Variants in CXCL13 observed in about 807,000 individuals in gnomAD.
CXCL13 encodes the protein C-X-C motif chemokine 13.
In CXCL13, 7 loss-of-function variants were observed where a neutral mutation model predicts 12.2. The ratio of observed to expected loss-of-function variants is 0.57; its 90% CI spans 0.33 to 1.07. CXCL13 has a LOEUF of 1.07. Ranked by LOEUF, CXCL13 falls within the 50% of genes least tolerant of loss-of-function variation. The pLI is 0.04. For synonymous variants in CXCL13, 47 were observed against 42.4 expected, an observed-to-expected ratio of 1.11 and a Z score of -0.42; for missense variants, 113 against 127.4, an observed-to-expected ratio of 0.89 and a Z score of 0.55.
At chr4:77,533,224 C>G (rs1374240201) in intron 1 of CXCL13, among the ~76,000 whole-genome samples, 1 of 152,052 alleles carries the variant, frequency 6.6e-6, no homozygotes, top group African/African-American at 2.4e-5. Context: ...TGTGGATGTC[C>G]TTTGTGTTTG....
chr4:77,604,015 A>G (rs962474041), upstream of CXCL13, among the ~76,000 whole-genome samples: 2 of 152,234 alleles, frequency 1.3e-5, no homozygotes, highest in African/African-American at 2.4e-5. Context: ...CCTCTAGTTT[A>G]TAACCCTGAG....
intron 1 of CXCL13, among the ~76,000 whole-genome samples, chr4:77,518,689 C>G (rs1053073010): frequency 6.6e-6 from 1 of 152,292 alleles, no homozygotes; most frequent in Non-Finnish European, 1.5e-5. Context: ...TCTAGTTATA[C>G]ATTCGTCTAA....
intron 1 of CXCL13, among the ~76,000 whole-genome samples, chr4:77,552,817 T>TG (rs1725566497): frequency 1.3e-5 from 2 of 152,198 alleles, no homozygotes. Context: ...GAGATCTGCC[T>TG]GGGGGTAAAA....
chr4:77,596,289 T>C (rs951057261), intron 1 of CXCL13, among the ~76,000 whole-genome samples: 3 of 152,166 alleles, frequency 2.0e-5, no homozygotes, highest in South Asian at 2.1e-4. Flanking sequence ...CACCTCCCAC[T>C]TGTTTGTATG....
chr4:77,551,224 T>C (rs1398467511), intron 1 of CXCL13, among the ~76,000 whole-genome samples: 3 of 152,244 alleles, frequency 2.0e-5, no homozygotes, highest in African/African-American at 7.2e-5. Context: ...TTCTGTGGGC[T>C]ATGTACTTTA....
intron 1 of CXCL13, among the ~76,000 whole-genome samples, chr4:77,549,955 T>C (rs1314318490): frequency 6.6e-6 from 1 of 152,234 alleles, no homozygotes; most frequent in African/African-American, 2.4e-5. Context: ...AGGTGGAGTC[T>C]ACAGAGGCAG....
intron 1 of CXCL13, among the ~76,000 whole-genome samples, chr4:77,546,819 T>C (rs532559394): frequency 6.6e-6 from 1 of 152,344 alleles, no homozygotes; most frequent in Non-Finnish European, 1.5e-5. Flanking sequence ...CTAGTTCTTT[T>C]AATTGTGATG....
At chr4:77,595,218 T>C (rs1726720221) in intron 1 of CXCL13, among the ~76,000 whole-genome samples, 1 of 152,106 alleles carries the variant, frequency 6.6e-6, no homozygotes, top group Non-Finnish European at 1.5e-5. Context: ...TGAGTTATCT[T>C]CTAAGACCTC....
chr4:77,561,836 T>C (rs1198331672), intron 1 of CXCL13, among the ~76,000 whole-genome samples: 1 of 152,184 alleles, frequency 6.6e-6, no homozygotes, highest in Non-Finnish European at 1.5e-5. Context: ...AGCCCCTCTC[T>C]GGGCTGGCCG....
At chr4:77,521,977 C>T (rs1724612428) in intron 1 of CXCL13, among the ~76,000 whole-genome samples, 1 of 152,126 alleles carries the variant, frequency 6.6e-6, no homozygotes, top group Admixed American at 6.6e-5. Flanking sequence ...ACCCAGTAGT[C>T]ATTCAGGAAC....
intron 1 of CXCL13, among the ~76,000 whole-genome samples, chr4:77,573,809 T>C (rs1363006139): frequency 6.6e-6 from 1 of 151,868 alleles, no homozygotes; most frequent in African/African-American, 2.4e-5. Context: ...CTGTGGGACT[T>C]TTACAATTTA....
chr4:77,599,910 G>A (rs890250386), intron 1 of CXCL13, among the ~76,000 whole-genome samples: 1 of 152,190 alleles, frequency 6.6e-6, no homozygotes, highest in African/African-American at 2.4e-5. Flanking sequence ...GAGGAAAGTG[G>A]AGAAAGTCAG....
In CXCL13 at chr4:77,611,030, GA is replaced by G; in HGVS notation, c.322del (p.Ile108PhefsTer40). On this transcript the variant is annotated frameshift_variant, in exon 4 of 4. Coordinates refer to ENST00000682537, the MANE Select transcript of CXCL13 (RefSeq NM_001371558.1). LOFTEE classifies it high-confidence loss of function. ...TLPVPVFKRK[I>X]P ...TACCAGTTCCAGTGTTTAAGAGAAAGATTCCCTGATGCTGATATTTCCACTA... is the reference window on the plus strand; with the variant it reads ...TACCAGTTCCAGTGTTTAAGAGAAAGTTCCCTGATGCTGATATTTCCACTA... 1 of 1,610,686 alleles carries G rather than the reference GA, an allele frequency of 6.2e-7. No homozygotes were observed. The highest frequency in any genetic ancestry group is 8.5e-7 in the Non-Finnish European group (1 of 1,179,174).
At chr4:77,580,728 CCCCCTCTCCTCCCCTGTCTT>C (rs1161276610) in intron 1 of CXCL13, among the ~76,000 whole-genome samples, 33 of 104,356 alleles carry the variant, frequency 3.2e-4, no homozygotes, top group Middle Eastern at 4.9e-3. Context: ...CCCCTCCCCT[CCCCCTCTCCTCCCCTGTCTT>C]CCCCTCCCCT....
intron 1 of CXCL13, among the ~76,000 whole-genome samples, chr4:77,523,738 A>G (rs1057358602): frequency 1.3e-5 from 2 of 152,190 alleles, no homozygotes; most frequent in African/African-American, 4.8e-5. Flanking sequence ...TTCTCTGTCC[A>G]GCTTTGTTCC....
intron 1 of CXCL13, among the ~76,000 whole-genome samples, chr4:77,550,926 T>C (rs1725501122): frequency 1.3e-5 from 2 of 152,218 alleles, no homozygotes; most frequent in South Asian, 4.1e-4. Context: ...ATCTAAAGTA[T>C]TATCTAATAT....
chr4:77,528,778 T>C (rs1259076260), intron 1 of CXCL13, among the ~76,000 whole-genome samples: 1 of 152,174 alleles, frequency 6.6e-6, no homozygotes, highest in Non-Finnish European at 1.5e-5. Context: ...AGCTCTTCAG[T>C]TTAATTAGAT....
chr4:77,516,872 C>T (rs1170940476), intron 1 of CXCL13, among the ~76,000 whole-genome samples: 1 of 152,084 alleles, frequency 6.6e-6, no homozygotes, highest in Non-Finnish European at 1.5e-5. Context: ...TTTGCACTTG[C>T]TTTTCTACTT....
At chr4:77,521,655 T>A (rs1419765899) in intron 1 of CXCL13, among the ~76,000 whole-genome samples, 1 of 151,976 alleles carries the variant, frequency 6.6e-6, no homozygotes, top group African/African-American at 2.4e-5. Flanking sequence ...GTTGATCTTT[T>A]AAAAAAAACA....
Sources: allele counts gnomAD v4.1 joint callset (sites outside exome capture counted in the v4.1 genomes callset), GRCh38; gene constraint gnomAD v4.1.1; transcripts MANE v1.5; gene names NCBI Gene and HGNC (gene_info 2026-07-23, HGNC 2026-07-21).